The following ITGA2 variants were observed in gnomAD, a reference collection of about 807,000 sequenced individuals.
ITGA2 encodes integrin alpha-2.
In ITGA2, 101 loss-of-function variants were observed where a neutral mutation model predicts 146.3. The ratio of observed to expected loss-of-function variants is 0.69; its 90% CI spans 0.59 to 0.81. ITGA2 has a LOEUF of 0.81. Among genes scored for constraint, ITGA2 ranks in the 40% least tolerant of loss-of-function variants. The pLI is 0.00. For missense variants in ITGA2, 1,281 were observed against 1,402.7 expected, an observed-to-expected ratio of 0.91 and a Z score of 1.39; for synonymous variants, 477 against 487.1, an observed-to-expected ratio of 0.98 and a Z score of 0.27.
chr5:53,071,870 T>C (rs552962163), intron 17 of ITGA2, 68 bp from the exon 18 acceptor site: 1 of 1,095,936 alleles, frequency 9.1e-7, no homozygotes, highest in African/African-American at 1.5e-5. Context: ...TTTTCTTGTT[T>C]TAATGTTGCT....
intron 1 of ITGA2, among the ~76,000 whole-genome samples, chr5:52,990,931 C>G (rs1041132301): frequency 6.6e-6 from 1 of 152,080 alleles, no homozygotes; most frequent in African/African-American, 2.4e-5. Flanking sequence ...GAAATATAAA[C>G]CCAAGCTTTT....
intron 15 of ITGA2, 61 bp from the exon 16 acceptor site, chr5:53,067,057 G>A: frequency 1.3e-6 from 2 of 1,553,626 alleles, no homozygotes; most frequent in South Asian, 1.1e-5. Flanking sequence ...CTATGATAAA[G>A]GATATAATAC....
Position 53,005,217 on chromosome 5 carries a change from G to A in ITGA2, c.64+15685G>A, listed in dbSNP as rs187457820. ...GGATAATATTTTCTTGGCTTTTGTG[G>A]TGTGCTTCTCGTGTGTGTCAGCAAA... is the stretch of plus-strand genomic sequence containing the variant. On this transcript the variant is annotated intron_variant, in intron 1 of 29. Transcript: ENST00000296585. Among the ~76,000 whole-genome samples, 5 of 152,086 alleles carry A rather than the reference G, an allele frequency of 3.3e-5. No homozygotes were observed. In the East Asian group the frequency reaches 7.7e-4, roughly 24 times the overall value.
chr5:52,989,564 A>C (rs1561271242), intron 1 of ITGA2, 32 bp downstream of exon 1: 4 of 1,612,612 alleles, frequency 2.5e-6, no homozygotes, highest in Non-Finnish European at 2.5e-6. Flanking sequence ...CATCGGCTGC[A>C]GGAGGGACCC....
rs1170967158 is a variant in ITGA2 at position 53,091,841 on chromosome 5, TGTAAA to T, written c.*1247_*1251del. ...TTGGAATGTTATGGGATGTAAACAA[TGTAAA>T]GTAAGACATCTCAGGATTTCACCAG... On this transcript the variant is annotated 3_prime_UTR_variant, in exon 30 of 30. Coordinates refer to ENST00000296585, the MANE Select transcript of ITGA2 (RefSeq NM_002203.4). The T allele has an allele frequency of 6.6e-6, 1 of 152,182 alleles. No individual in the cohort carries two copies. The highest frequency in any genetic ancestry group is 2.4e-5 in the African/African-American group (1 of 41,442). 9.4% of individuals were successfully genotyped at this position (152,182 alleles called of 1,614,324 possible).
intron 10 of ITGA2, among the ~76,000 whole-genome samples, chr5:53,059,290 G>A (rs1744794237): frequency 6.6e-6 from 1 of 151,886 alleles, no homozygotes; most frequent in East Asian, 1.9e-4. Context: ...GTTGCCTCTT[G>A]TAGCTGTGCT....
rs1331194951 is a variant in ITGA2, at chr5:53,048,710, A to G, written c.570A>G (p.Ala190=). 1.2e-6 allele frequency: 2 copies of G among 1,614,080 alleles called. No individual in the cohort carries two copies. Among genetic ancestry groups the G allele is most frequent in the South Asian group, 2.2e-5 (2 of 91,072 alleles). Residue 190 remains alanine, a synonymous_variant, in exon 6 of 30, where the codon GCA becomes GCG. Coordinates refer to ENST00000296585, the MANE Select transcript of ITGA2 (RefSeq NM_002203.4). ...CAAATAGTATTTATCCTTGGGATGCAGTAAAGAATTTTTTGGAAAAATTTG... is the reference window on the plus strand; with the variant it reads ...CAAATAGTATTTATCCTTGGGATGCGGTAAAGAATTTTTTGGAAAAATTTG... ...DESNSIYPWD[A]VKNFLEKFVQ...
chr5:53,083,536 A>G, intron 27 of ITGA2, 83 bp downstream of exon 27: 1 of 897,800 alleles, frequency 1.1e-6, no homozygotes, highest in Middle Eastern at 2.1e-4. Flanking sequence ...CTTTGACAAA[A>G]TAAGTATTCT....
intron 2 of ITGA2, among the ~76,000 whole-genome samples, chr5:53,035,566 A>G (rs1271451656): frequency 6.6e-6 from 1 of 152,228 alleles, no homozygotes; most frequent in South Asian, 2.1e-4. Context: ...TATATGCCAA[A>G]GAATTTAACT....
At chr5:53,016,638 T>C (rs1440282980) in intron 1 of ITGA2, among the ~76,000 whole-genome samples, 1 of 152,212 alleles carries the variant, frequency 6.6e-6, no homozygotes. Context: ...GCGTCTGCAA[T>C]GAGGTTGGGG....
At chr5:52,998,315 G>T (rs1741380715) in intron 1 of ITGA2, among the ~76,000 whole-genome samples, 1 of 152,076 alleles carries the variant, frequency 6.6e-6, no homozygotes, top group Admixed American at 6.6e-5. Context: ...TTAGCCAGGT[G>T]TGGTGGCAGG....
At chr5:53,052,226 A>T (rs1744405821) in intron 7 of ITGA2, among the ~76,000 whole-genome samples, 1 of 151,994 alleles carries the variant, frequency 6.6e-6, no homozygotes, top group African/African-American at 2.4e-5. Context: ...TCCTAATGCT[A>T]TCCCTCTCCT....
In ITGA2 at chr5:53,045,037, C is replaced by A. The variant is rs775692909; in HGVS notation, c.332C>A (p.Thr111Asn). The A allele has an allele frequency of 1.1e-5, 17 of 1,613,768 alleles. No individual in the cohort carries two copies. Among genetic ancestry groups the A allele is most frequent in the Non-Finnish European group, 1.4e-5 (16 of 1,179,862 alleles). The change falls in exon 4 of 30, where the codon ACC becomes AAC. Residue 111 changes from threonine to asparagine, a missense_variant. Thr to Asn is a moderately conservative substitution (Grantham distance 65, BLOSUM62 0). Coordinates refer to ENST00000296585, the MANE Select transcript of ITGA2 (RefSeq NM_002203.4). ...TSIPNVTEMK[T>N]NMSLGLILTR... is the part of the protein sequence containing the mutation. ...ATTCCAAATGTTACTGAGATGAAAA[C>A]CAACATGAGCCTCGGCTTGATCCTC... is the stretch of plus-strand genomic sequence containing the variant.
At chr5:53,044,946 T>C in intron 3 of ITGA2, 55 bp from the exon 4 acceptor site, 3 of 1,320,518 alleles carry the variant, frequency 2.3e-6, no homozygotes, top group Middle Eastern at 3.6e-4. Context: ...TTTTAATATC[T>C]TTAAGTAAAC....
At chr5:53,063,471 C>G (rs887586752) in intron 13 of ITGA2, among the ~76,000 whole-genome samples, 1 of 151,752 alleles carries the variant, frequency 6.6e-6, no homozygotes, top group African/African-American at 2.4e-5. Context: ...CAAAAAAACA[C>G]CATACATTAA....
intron 1 of ITGA2, among the ~76,000 whole-genome samples, chr5:53,018,042 A>T (rs1742481850): frequency 1.3e-5 from 2 of 151,846 alleles, no homozygotes; most frequent in Admixed American, 6.6e-5. Context: ...CCTAGGAAGC[A>T]CTCTGGTTGG....
At chr5:52,993,634 T>C (rs1360145941) in intron 1 of ITGA2, among the ~76,000 whole-genome samples, 2 of 152,156 alleles carry the variant, frequency 1.3e-5, no homozygotes, top group South Asian at 4.1e-4. Context: ...CCTGGAGATA[T>C]TAAAAGGTAG....
intron 7 of ITGA2, among the ~76,000 whole-genome samples, chr5:53,053,595 AG>A (rs1162259434): frequency 6.6e-6 from 1 of 152,152 alleles, no homozygotes; most frequent in African/African-American, 2.4e-5. Context: ...CCATTGAGGA[AG>A]GACTTGCCTG....
At chr5:53,065,757 A>G in intron 14 of ITGA2, 84 bp from the exon 15 acceptor site, 1 of 1,556,298 alleles carries the variant, frequency 6.4e-7, no homozygotes. Flanking sequence ...ACTATATAGA[A>G]AATATAATAA....
Sources: gnomAD v4.1 joint callset for allele counts (sites outside exome capture counted in the v4.1 genomes callset) on GRCh38, gnomAD v4.1.1 for gene constraint, MANE v1.5 for transcripts, NCBI Gene and HGNC (gene_info 2026-07-23, HGNC 2026-07-21) for gene names.